The following TRAIP variants were observed in gnomAD, a reference collection of about 807,000 sequenced individuals.
TRAIP encodes the protein E3 ubiquitin-protein ligase TRAIP.
In TRAIP, 37 loss-of-function variants were observed where a neutral mutation model predicts 65.0. That is an observed-to-expected ratio of 0.57 (90% CI 0.44 to 0.75). TRAIP has a LOEUF of 0.75. Ranked by LOEUF, TRAIP falls within the 30% of genes least tolerant of loss-of-function variation. TRAIP has a pLI of 0.00. For missense variants in TRAIP, 481 were observed against 579.4 expected, an observed-to-expected ratio of 0.83 and a Z score of 1.74; for synonymous variants, 187 against 219.1, an observed-to-expected ratio of 0.85 and a Z score of 1.29.
In TRAIP at chr3:49,829,617, C is replaced by G; in HGVS notation, c.1236G>C (p.Val412=). 3 of 1,614,174 alleles carry G rather than the reference C, an allele frequency of 1.9e-6. No individual in the cohort carries two copies. Among genetic ancestry groups the G allele is most frequent in the Non-Finnish European group, 2.5e-6 (3 of 1,180,018 alleles). Residue 412 remains valine, a splice_region_variant and synonymous_variant, in exon 13 of 15, where the codon GTG becomes GTC. Coordinates refer to ENST00000331456, the MANE Select transcript of TRAIP (RefSeq NM_005879.3). The part of the protein sequence containing the change: ...PRSESSCSKD[V]VRTGFDGLGG... Reference sequence around the variant, plus strand: ...TGCCACTGTGGGAAGCCACACTCACCACATCTTTGCTGCAAGAGGACTCTG... The same window carrying G: ...TGCCACTGTGGGAAGCCACACTCACGACATCTTTGCTGCAAGAGGACTCTG...
In TRAIP at chr3:49,829,232, G is replaced by A; in HGVS notation, c.1288-7C>T. On this transcript the variant is annotated splice_region_variant and splice_polypyrimidine_tract_variant and intron_variant, in intron 14 of 14. Transcript: ENST00000331456. ...GGATCATGACTGTGTCAGTCTGGAG[G>A]AGCTGTCAAGGAAGAGGCATGGAGA... 1 of 1,614,216 alleles carries A rather than the reference G, an allele frequency of 6.2e-7. No homozygotes were observed. The highest frequency in any genetic ancestry group is 1.1e-5 in the South Asian group (1 of 91,088).
In TRAIP at chr3:49,842,452, CT is replaced by C. The variant is rs1265144082; in HGVS notation, c.503del (p.Gln168ArgfsTer16). 2.5e-6 allele frequency: 4 copies of C among 1,613,864 alleles called. No homozygotes were observed. Among genetic ancestry groups the C allele is most frequent in the Non-Finnish European group, 3.4e-6 (4 of 1,179,984 alleles). Reference sequence around the variant, plus strand: ...AGTGCAGGACCCAGCTCCAAACTCACTGCTCCATGGTCTTCATCTTGCTCCT... The same window carrying C: ...AGTGCAGGACCCAGCTCCAAACTCACGCTCCATGGTCTTCATCTTGCTCCT... ...RLRSKMKTME[Q>X]IELLLQSQRP... On this transcript the variant is annotated frameshift_variant and splice_region_variant, in exon 6 of 15. Transcript: ENST00000331456. LOFTEE classifies it high-confidence loss of function.
intron 2 of TRAIP, 111 bp downstream of exon 2, chr3:49,848,032 G>A (rs2081900881): frequency 7.9e-7 from 1 of 1,258,476 alleles, no homozygotes; most frequent in Admixed American, 2.0e-5. Flanking sequence ...CCTTAAACCA[G>A]GAGGGTCCAA....
chr3:49,856,554 C>A lies in TRAIP; in HGVS notation c.-101G>T. 1 of 985,234 alleles carries A rather than the reference C, an allele frequency of 1.0e-6. No homozygotes were observed. The allele number at this position is 985,234 out of a possible 1,614,324, so 61.0% of individuals were successfully genotyped here. On this transcript the variant is annotated 5_prime_UTR_variant, in exon 1 of 15. Transcript: ENST00000331456. ...TCCGCTTGCTTCAAATTTGGCTCCG[C>A]AGCACGACTTCCTGGAGCGGGCCGG...
chr3:49,841,114 T>C (rs1478722117), intron 7 of TRAIP, 42 bp from the exon 8 acceptor site: 10 of 1,551,540 alleles, frequency 6.4e-6, no homozygotes, highest in South Asian at 1.1e-5. Context: ...AAAGAACACC[T>C]GCAGGTCAGA....
rs1019483891 is a variant in TRAIP, at chr3:49,828,815, G to A, written c.*288C>T. On this transcript the variant is annotated 3_prime_UTR_variant, in exon 15 of 15. Transcript: ENST00000331456. ...TGACCGTGGTCTCCAGGCCCAGAAA[G>A]AGTCTGACCACATCTGATCATGGCT... The A allele has an allele frequency of 1.1e-5, 4 of 369,274 alleles. No individual in the cohort carries two copies. The highest frequency in any genetic ancestry group is 2.1e-5 in the African/African-American group (1 of 48,464). 22.9% of individuals were successfully genotyped at this position (369,274 alleles called of 1,614,324 possible).
chr3:49,839,060 G>A (rs913380497), intron 10 of TRAIP, among the ~76,000 whole-genome samples: 22 of 142,534 alleles, frequency 1.5e-4, no homozygotes, highest in Non-Finnish European at 2.6e-4. Context: ...GTGGTGGTGC[G>A]CGCCTGTAAT....
At position 49,844,530 on chromosome 3, in the gene TRAIP, T is replaced by G; in HGVS notation, c.280+11A>C. On this transcript the variant is annotated intron_variant, in intron 4 of 14. Coordinates refer to ENST00000331456, the MANE Select transcript of TRAIP (RefSeq NM_005879.3). ...GGGCTTCCCAGCACCCCTCGTCTCTTGCTAACTCACCTTTCTGGGAAAGCT... is the reference window on the plus strand; with the variant it reads ...GGGCTTCCCAGCACCCCTCGTCTCTGGCTAACTCACCTTTCTGGGAAAGCT... The G allele has an allele frequency of 6.8e-6, 11 of 1,613,738 alleles. No individual in the cohort carries two copies. The highest frequency in any genetic ancestry group is 9.3e-6 in the Non-Finnish European group (11 of 1,179,940).
chr3:49,847,481 G>C, intron 3 of TRAIP, 44 bp downstream of exon 3: 1 of 1,258,194 alleles, frequency 7.9e-7, no homozygotes, highest in Non-Finnish European at 1.1e-6. Flanking sequence ...AAGTGAACTC[G>C]CACAAGGCTT....
chr3:49,828,859 A>C lies in TRAIP; in HGVS notation c.*244T>G. ...CATGGCTATAAACAGGAGCCTGGCA[A>C]CAGGAGCAGGACCTGCTGACAGGAT... On this transcript the variant is annotated 3_prime_UTR_variant, in exon 15 of 15. Transcript: ENST00000331456. 1 of 508,758 alleles carries C rather than the reference A, an allele frequency of 2.0e-6. No homozygotes were observed. The allele number at this position is 508,758 out of a possible 1,614,324, so 31.5% of individuals were successfully genotyped here.
chr3:49,832,491 GGA>G (rs1559445401), intron 10 of TRAIP, among the ~76,000 whole-genome samples: 2 of 133,998 alleles, frequency 1.5e-5, no homozygotes, highest in Non-Finnish European at 1.6e-5. Flanking sequence ...CTCCGTCTCA[GGA>G]AAAAAAAAAA....
At position 49,828,723 on chromosome 3, in the gene TRAIP, G is replaced by T. The variant is rs2081704674; in HGVS notation, c.*380C>A. The T allele has an allele frequency of 8.6e-6, 2 of 231,636 alleles. No individual in the cohort carries two copies. Among genetic ancestry groups the T allele is most frequent in the Non-Finnish European group, 1.8e-5 (2 of 112,906 alleles). 14.3% of individuals were successfully genotyped at this position (231,636 alleles called of 1,614,324 possible). On this transcript the variant is annotated 3_prime_UTR_variant, in exon 15 of 15. Transcript: ENST00000331456. ...ATGCCTAGAAGCAAGTCAAAGGCAG[G>T]TAGAAGCTTGGGCTGAGGCTGCCTG...
intron 4 of TRAIP, 48 bp from the exon 5 acceptor site, chr3:49,843,976 A>G (rs768734690): frequency 1.3e-6 from 2 of 1,565,690 alleles, no homozygotes; most frequent in Admixed American, 3.5e-5. Context: ...CTGTCCATCC[A>G]TCAGCAGAAG....
intron 1 of TRAIP, among the ~76,000 whole-genome samples, chr3:49,855,447 T>C (rs2081962777): frequency 6.6e-6 from 1 of 152,010 alleles, no homozygotes; most frequent in African/African-American, 2.4e-5. Context: ...AGACTCCATC[T>C]CAAAAATAAA....
chr3:49,844,029 G>T lies in TRAIP; in HGVS notation c.281-101C>A. 2.7e-6 allele frequency: 4 copies of T among 1,463,118 alleles called. No homozygotes were observed. In the South Asian group the frequency reaches 5.4e-5, roughly 20 times the overall value. The allele number at this position is 1,463,118 out of a possible 1,614,324, so 90.6% of individuals were successfully genotyped here. A position where few individuals can be genotyped will look rare whatever the true frequency, so the allele number is the denominator to read the frequency against. ...TCAGTGCCTCATCCCTTAGGCAGGTGAGAAACAAGGCTCAGGCCTGAAAGC... is the reference window on the plus strand; with the variant it reads ...TCAGTGCCTCATCCCTTAGGCAGGTTAGAAACAAGGCTCAGGCCTGAAAGC... On this transcript the variant is annotated intron_variant, in intron 4 of 14. Coordinates refer to ENST00000331456, the MANE Select transcript of TRAIP (RefSeq NM_005879.3).
At chr3:49,840,872 G>GC (rs2081833250) in intron 8 of TRAIP, 113 bp downstream of exon 8, 1 of 963,074 alleles carries the variant, frequency 1.0e-6, no homozygotes, top group Non-Finnish European at 1.7e-6. Context: ...TCCTCCAGCT[G>GC]CCCCAGGGAG....
chr3:49,850,374 C>T (rs900422153), intron 1 of TRAIP, among the ~76,000 whole-genome samples: 1 of 151,872 alleles, frequency 6.6e-6, no homozygotes, highest in Non-Finnish European at 1.5e-5. Flanking sequence ...TGGCGCACGC[C>T]TGTAATCCCA....
At chr3:49,841,158 G>A in intron 7 of TRAIP, 86 bp from the exon 8 acceptor site, 1 of 1,126,318 alleles carries the variant, frequency 8.9e-7, no homozygotes, top group Non-Finnish European at 1.3e-6. Flanking sequence ...ACAAAGCACT[G>A]CCCAACCCCT....
chr3:49,844,721 C>A (rs2081867913), intron 3 of TRAIP, 141 bp from the exon 4 acceptor site: 2 of 855,142 alleles, frequency 2.3e-6, no homozygotes, highest in African/African-American at 3.3e-5. Context: ...CAAGGCCAAG[C>A]TAAGCTAACA....
Sources: gnomAD v4.1 joint callset for allele counts (sites outside exome capture counted in the v4.1 genomes callset) on GRCh38, gnomAD v4.1.1 for gene constraint, MANE v1.5 for transcripts, NCBI Gene and HGNC (gene_info 2026-07-23, HGNC 2026-07-21) for gene names.